RFX3: variants seen among roughly 807,000 people sequenced by gnomAD.
RFX3 encodes the protein transcription factor RFX3.
In RFX3, 14 loss-of-function variants were observed where a neutral mutation model predicts 98.6. The observed-to-expected ratio is 0.14, with a 90% confidence interval of 0.09 to 0.22. RFX3 has a LOEUF of 0.22. Among genes scored for constraint, RFX3 ranks in the 10% least tolerant of loss-of-function variants. The pLI is 1.00. For synonymous variants in RFX3, 383 were observed against 328.4 expected (o/e 1.17, Z -1.80); for missense variants, 639 against 926.9 (o/e 0.69, Z 4.03).
intron 1 of RFX3, among the ~76,000 whole-genome samples, chr9:3,508,976 C>G (rs1217647011): frequency 2.0e-5 from 3 of 151,692 alleles, no homozygotes; most frequent in East Asian, 1.9e-4. Context: ...CACACACACA[C>G]AGAAAGAGAG....
At chr9:3,368,685 T>C (rs1587355866) in intron 2 of RFX3, among the ~76,000 whole-genome samples, 1 of 152,304 alleles carries the variant, frequency 6.6e-6, no homozygotes, top group Non-Finnish European at 1.5e-5. Flanking sequence ...TGTAACAAGT[T>C]TCAGTCAACT....
intron 16 of RFX3, 142 bp from the exon 17 acceptor site, chr9:3,225,422 TC>T: frequency 3.1e-6 from 4 of 1,285,390 alleles, no homozygotes; most frequent in Non-Finnish European, 4.2e-6. Context: ...TTAGAGGTTT[TC>T]TTTTCATCAG....
At chr9:3,231,409 A>C (rs768200617) in intron 15 of RFX3, among the ~76,000 whole-genome samples, 2 of 152,144 alleles carry the variant, frequency 1.3e-5, no homozygotes, top group Non-Finnish European at 2.9e-5. Context: ...TCACTTACTC[A>C]TTTAGTCAAT....
At chr9:3,332,435 T>C (rs1437962751) in intron 3 of RFX3, among the ~76,000 whole-genome samples, 1 of 152,198 alleles carries the variant, frequency 6.6e-6, no homozygotes, top group African/African-American at 2.4e-5. Context: ...TATCTTATGT[T>C]GCTGCTCAAA....
Position 3,301,585 on chromosome 9 carries a change from G to A in RFX3, c.510C>T (p.Asp170=), listed in dbSNP as rs139724710. ...EMAIETLQKS[D]GLSTHRSSLL... is the part of the protein sequence containing the mutation. The stretch of plus-strand genomic sequence containing the variant: ...GAGAGCTTCTGTGAGTGGACAGACC[G>A]TCAGACTTTTGCAGCGTCTCAATCG... The change falls in exon 5 of 17, where the codon GAC becomes GAT. Residue 170 remains aspartate (D), a synonymous_variant. Transcript: ENST00000617270. The A allele has an allele frequency of 3.6e-5, 57 of 1,600,924 alleles. No homozygotes were observed. Among genetic ancestry groups the A allele is most frequent in the Non-Finnish European group, 4.7e-5 (55 of 1,170,978 alleles).
chr9:3,342,278 T>C (rs1833972108), intron 3 of RFX3, among the ~76,000 whole-genome samples: 2 of 152,112 alleles, frequency 1.3e-5, no homozygotes, highest in South Asian at 4.1e-4. Context: ...TTTAAAAGGG[T>C]AACAGGAATT....
chr9:3,290,849 A>T (rs190741056), intron 6 of RFX3, among the ~76,000 whole-genome samples: 56 of 152,260 alleles, frequency 3.7e-4, no homozygotes, highest in African/African-American at 1.3e-3. Flanking sequence ...ATGCTATCCC[A>T]AACTATGGCA....
intron 1 of RFX3, among the ~76,000 whole-genome samples, chr9:3,516,736 C>G (rs1818212474): frequency 6.6e-6 from 1 of 152,200 alleles, no homozygotes; most frequent in Non-Finnish European, 1.5e-5. Context: ...CTCTCTCTCT[C>G]TCTCTCTCTC....
At chr9:3,484,648 C>G (rs894571754) in intron 1 of RFX3, among the ~76,000 whole-genome samples, 7 of 152,186 alleles carry the variant, frequency 4.6e-5, no homozygotes, top group Non-Finnish European at 7.3e-5. Context: ...ACTTACAACT[C>G]TGTGTAGCTT....
intron 1 of RFX3, among the ~76,000 whole-genome samples, chr9:3,483,342 A>G (rs555635385): frequency 1.3e-5 from 2 of 152,360 alleles, no homozygotes; most frequent in Non-Finnish European, 2.9e-5. Context: ...CCAATCTATA[A>G]TAACAATAGT....
chr9:3,446,569 T>G (rs1258641117), intron 1 of RFX3, among the ~76,000 whole-genome samples: 1 of 151,970 alleles, frequency 6.6e-6, no homozygotes, highest in Non-Finnish European at 1.5e-5. Flanking sequence ...GTAACCTTGT[T>G]TAGTGCACTC....
At chr9:3,484,867 T>G (rs1348274012) in intron 1 of RFX3, among the ~76,000 whole-genome samples, 1 of 151,764 alleles carries the variant, frequency 6.6e-6, no homozygotes, top group Non-Finnish European at 1.5e-5. Context: ...AAGGCTCACT[T>G]GAGGACAGGA....
At position 3,515,766 on chromosome 9, in the gene RFX3, A is replaced by G. The variant is rs552078021; in HGVS notation, c.-9+9981T>C. On this transcript the variant is annotated intron_variant, in intron 1 of 16. Coordinates refer to ENST00000617270, the MANE Select transcript of RFX3 (RefSeq NM_001282116.2). ...GATATATTTTAAAGATGAAAGTTAT[A>G]CTGAAATACACAAATGCTATTAGGC... Among the ~76,000 whole-genome samples, 16 of 152,324 alleles carry G rather than the reference A, an allele frequency of 1.1e-4. No individual in the cohort carries two copies. In the South Asian group the frequency reaches 2.9e-3, roughly 28 times the overall value.
chr9:3,226,935 T>C (rs1226684691), intron 16 of RFX3, among the ~76,000 whole-genome samples: 1 of 152,172 alleles, frequency 6.6e-6, no homozygotes, highest in African/African-American at 2.4e-5. Context: ...AAATATCCCT[T>C]ATATTATCAA....
chr9:3,446,631 C>A (rs1027857871), intron 1 of RFX3, among the ~76,000 whole-genome samples: 2 of 151,554 alleles, frequency 1.3e-5, no homozygotes, highest in Non-Finnish European at 2.9e-5. Context: ...CAACTCTCAC[C>A]ATTTAAAATT....
At chr9:3,346,410 A>G (rs1487030858) in intron 3 of RFX3, among the ~76,000 whole-genome samples, 2 of 152,176 alleles carry the variant, frequency 1.3e-5, no homozygotes, top group African/African-American at 4.8e-5. Context: ...TTTTTTCTCT[A>G]CATAGGAAGA....
At chr9:3,268,011 G>A (rs1253843857) in intron 11 of RFX3, among the ~76,000 whole-genome samples, 1 of 151,774 alleles carries the variant, frequency 6.6e-6, no homozygotes, top group Non-Finnish European at 1.5e-5. Flanking sequence ...GGGCAATTAG[G>A]TGAGAAAAGA....
chr9:3,438,623 A>G (rs371636810), intron 1 of RFX3, among the ~76,000 whole-genome samples: 15 of 150,706 alleles, frequency 1.0e-4, no homozygotes, highest in African/African-American at 3.5e-4. Context: ...AAGACACAAC[A>G]ACATGCTGCC....
At chr9:3,350,817 T>A (rs942179334) in intron 2 of RFX3, among the ~76,000 whole-genome samples, 8 of 152,116 alleles carry the variant, frequency 5.3e-5, no homozygotes, top group Non-Finnish European at 1.2e-4. Flanking sequence ...TGAATGCGTA[T>A]GACCAAGTGA....
Sources: gnomAD v4.1 joint callset for allele counts (sites outside exome capture counted in the v4.1 genomes callset) on GRCh38, gnomAD v4.1.1 for gene constraint, MANE v1.5 for transcripts, NCBI Gene and HGNC (gene_info 2026-07-23, HGNC 2026-07-21) for gene names.